Variants in ADD1 observed in about 807,000 individuals in gnomAD.
ADD1 encodes adducin 1, also known as alpha-adducin.
ADD1 carries 24 observed loss-of-function variants against 80.5 expected under a neutral mutation model. The ratio of observed to expected loss-of-function variants is 0.30; its 90% CI spans 0.22 to 0.42. The LOEUF is 0.42. Among genes scored for constraint, ADD1 ranks in the 10% least tolerant of loss-of-function variants. ADD1 has a pLI of 1.00. For missense variants in ADD1, 948 were observed against 1,019.0 expected (o/e 0.93, Z 0.95); for synonymous variants, 373 against 393.8 (o/e 0.95, Z 0.63).
At chr4:2,868,748 G>A (rs912291852) in intron 1 of ADD1, among the ~76,000 whole-genome samples, 8 of 152,102 alleles carry the variant, frequency 5.3e-5, no homozygotes, top group African/African-American at 9.7e-5. Flanking sequence ...TAATTTATCC[G>A]CATATGATTT....
chr4:2,859,514 T>TA (rs1255407190), intron 1 of ADD1, among the ~76,000 whole-genome samples: 1 of 152,074 alleles, frequency 6.6e-6, no homozygotes, highest in Admixed American at 6.5e-5. Flanking sequence ...AATAAGCATA[T>TA]AAAAAAATTC....
At chr4:2,860,138 T>A (rs1006397247) in intron 1 of ADD1, among the ~76,000 whole-genome samples, 9 of 152,196 alleles carry the variant, frequency 5.9e-5, no homozygotes, top group African/African-American at 2.2e-4. Context: ...GGTACCATGC[T>A]CACTTAGTTA....
At chr4:2,846,668 T>G (rs1438752219) in intron 1 of ADD1, among the ~76,000 whole-genome samples, 1 of 152,058 alleles carries the variant, frequency 6.6e-6, no homozygotes, top group East Asian at 1.9e-4. Flanking sequence ...TTCGCTAATA[T>G]CCTTCAAAAG....
At chr4:2,915,382 T>C (rs1016905297) in intron 14 of ADD1, among the ~76,000 whole-genome samples, 7 of 152,222 alleles carry the variant, frequency 4.6e-5, no homozygotes, top group African/African-American at 1.7e-4. Flanking sequence ...GGCTCACGCC[T>C]ATAATCCCAG....
chr4:2,897,810 C>A (rs1022247205), intron 6 of ADD1, among the ~76,000 whole-genome samples: 3 of 152,076 alleles, frequency 2.0e-5, no homozygotes, highest in African/African-American at 4.8e-5. Flanking sequence ...GTGTGAGCCA[C>A]CATACCTGAT....
chr4:2,882,275 ACTTTATTTCCGAGG>A (rs1175738962), intron 3 of ADD1, among the ~76,000 whole-genome samples: 1 of 152,190 alleles, frequency 6.6e-6, no homozygotes, highest in Non-Finnish European at 1.5e-5. Context: ...AGCCAGTGAG[ACTTTATTTCCGAGG>A]CAGATGACTT....
At chr4:2,896,722 T>C (rs1446010995) in intron 6 of ADD1, among the ~76,000 whole-genome samples, 1 of 152,148 alleles carries the variant, frequency 6.6e-6, no homozygotes, top group African/African-American at 2.4e-5. Flanking sequence ...TAAAGGTACC[T>C]TTGACAGTAT....
intron 12 of ADD1, chr4:2,909,128 C>T: frequency 1.7e-6 from 1 of 580,968 alleles, no homozygotes; most frequent in Admixed American, 3.1e-5. Context: ...GCTTTAACAC[C>T]TGACTCTGCA....
intron 1 of ADD1, among the ~76,000 whole-genome samples, chr4:2,868,424 C>T (rs944857793): frequency 8.5e-5 from 13 of 152,200 alleles, no homozygotes; most frequent in East Asian, 1.9e-4. Flanking sequence ...TGGATTTAGT[C>T]TTCAGTGTCG....
chr4:2,889,857 A>C (rs1389611637), intron 4 of ADD1, among the ~76,000 whole-genome samples: 1 of 151,522 alleles, frequency 6.6e-6, no homozygotes, highest in African/African-American at 2.4e-5. Context: ...AGACAGTAAT[A>C]ATAAAAGCCG....
chr4:2,910,922 C>T (rs1039148607), intron 13 of ADD1, among the ~76,000 whole-genome samples: 1 of 152,178 alleles, frequency 6.6e-6, no homozygotes, highest in African/African-American at 2.4e-5. Context: ...TTCTCTACCT[C>T]CTTATATCTG....
intron 14 of ADD1, among the ~76,000 whole-genome samples, chr4:2,924,570 C>T (rs1163544929): frequency 6.6e-6 from 1 of 152,208 alleles, no homozygotes; most frequent in Admixed American, 6.5e-5. Flanking sequence ...CTCTCCTGGG[C>T]CGTCGTCATC....
chr4:2,885,607 C>T (rs1028660997), intron 4 of ADD1, among the ~76,000 whole-genome samples: 2 of 151,952 alleles, frequency 1.3e-5, no homozygotes, highest in African/African-American at 4.8e-5. Flanking sequence ...TTCCACCCTT[C>T]CTGCCTTCTT....
At chr4:2,912,344 G>A (rs1335929704) in intron 13 of ADD1, among the ~76,000 whole-genome samples, 1 of 152,126 alleles carries the variant, frequency 6.6e-6, no homozygotes, top group African/African-American at 2.4e-5. Context: ...TCCCATAACT[G>A]GTCTTGACAG....
intron 6 of ADD1, among the ~76,000 whole-genome samples, chr4:2,897,004 C>T (rs1488921898): frequency 2.6e-5 from 4 of 152,158 alleles, no homozygotes; most frequent in Admixed American, 6.5e-5. Flanking sequence ...AAGTGATCTG[C>T]CCACCTTGGC....
At chr4:2,927,203 C>G (rs1051049176) in intron 15 of ADD1, among the ~76,000 whole-genome samples, 3 of 152,242 alleles carry the variant, frequency 2.0e-5, no homozygotes, top group African/African-American at 7.2e-5. Flanking sequence ...TCAGCCACAC[C>G]ATGCCCAGCA....
intron 3 of ADD1, among the ~76,000 whole-genome samples, chr4:2,883,854 G>A (rs868526458): frequency 6.6e-6 from 1 of 151,898 alleles, no homozygotes. Flanking sequence ...TGTATTTTTG[G>A]TATAGACAGG....
At chr4:2,909,566 T>C in intron 13 of ADD1, 135 bp downstream of exon 13, 1 of 667,798 alleles carries the variant, frequency 1.5e-6, no homozygotes, top group Non-Finnish European at 2.6e-6. Flanking sequence ...GTTTGTGAGA[T>C]TGTACAGAAG....
chr4:2,912,459 G>A (rs936178687), intron 13 of ADD1, among the ~76,000 whole-genome samples: 5 of 152,178 alleles, frequency 3.3e-5, no homozygotes, highest in African/African-American at 7.2e-5. Flanking sequence ...AGAGAGCCCC[G>A]CTTGTCCTTT....
Sources: allele counts gnomAD v4.1 joint callset (sites outside exome capture counted in the v4.1 genomes callset), GRCh38; gene constraint gnomAD v4.1.1; transcripts MANE v1.5; gene names NCBI Gene and HGNC (gene_info 2026-07-23, HGNC 2026-07-21).